WDR70: variants seen among roughly 807,000 people sequenced by gnomAD.
WDR70 encodes WD repeat domain 70, also known as WD repeat-containing protein 70.
In WDR70, 53 loss-of-function variants were observed where a neutral mutation model predicts 88.6. The ratio of observed to expected loss-of-function variants is 0.60; its 90% CI spans 0.48 to 0.75. WDR70 has a LOEUF of 0.75. Ranked by LOEUF, WDR70 falls within the 30% of genes least tolerant of loss-of-function variation. The pLI is 0.00. For missense variants in WDR70, 610 were observed against 823.2 expected (o/e 0.74, Z 3.17); for synonymous variants, 280 against 270.0 (o/e 1.04, Z -0.36).
intron 7 of WDR70, among the ~76,000 whole-genome samples, chr5:37,461,888 T>G (rs534375499): frequency 2.0e-4 from 30 of 152,322 alleles, no homozygotes; most frequent in Admixed American, 5.2e-4. Flanking sequence ...TGCTGCCTAA[T>G]TTTTGTGACA....
In WDR70 at chr5:37,721,101, C is replaced by T; in HGVS notation, c.1417-14C>T. Reference sequence around the variant, plus strand: ...CTGGCCTCTTTAGTCAACCACTGCGCTTTTCCTTTGCAGAGTGTTGTTCGC... The same window carrying T: ...CTGGCCTCTTTAGTCAACCACTGCGTTTTTCCTTTGCAGAGTGTTGTTCGC... On this transcript the variant is annotated splice_polypyrimidine_tract_variant and intron_variant, in intron 13 of 17. Coordinates refer to ENST00000265107, the MANE Select transcript of WDR70 (RefSeq NM_018034.4). 6.2e-7 allele frequency: 1 copy of T among 1,613,304 alleles called. No homozygotes were observed. The highest frequency in any genetic ancestry group is 8.5e-7 in the Non-Finnish European group (1 of 1,179,470).
At position 37,702,847 on chromosome 5, in the gene WDR70, A is replaced by G. The variant is rs1465229382; in HGVS notation, c.1278-102A>G. On this transcript the variant is annotated intron_variant, in intron 12 of 17. Transcript: ENST00000265107. ...TAAGTGCTTGACTCATAAGCCCTAT[A>G]TAGGAGTTACAGAGATGTTTATATT... 3.3e-6 allele frequency: 4 copies of G among 1,218,020 alleles called. No homozygotes were observed. The East Asian group carries it at 7.2e-5, about 22-fold the overall frequency. The allele number at this position is 1,218,020 out of a possible 1,614,324, so 75.5% of individuals were successfully genotyped here.
intron 5 of WDR70, among the ~76,000 whole-genome samples, chr5:37,403,942 C>T (rs866677421): frequency 1.3e-5 from 2 of 152,050 alleles, no homozygotes; most frequent in Admixed American, 6.6e-5. Flanking sequence ...GGGTCTTGCT[C>T]TCTTGTCTGT....
intron 9 of WDR70, among the ~76,000 whole-genome samples, chr5:37,597,236 G>A (rs1338970525): frequency 6.6e-6 from 1 of 152,122 alleles, no homozygotes; most frequent in African/African-American, 2.4e-5. Flanking sequence ...CATTGCTTGT[G>A]ATATGGGAAG....
intron 10 of WDR70, among the ~76,000 whole-genome samples, chr5:37,638,873 A>G (rs1025355753): frequency 6.6e-6 from 1 of 152,198 alleles, no homozygotes; most frequent in Non-Finnish European, 1.5e-5. Context: ...TATTGTTTTC[A>G]AAAGCAAGAC....
chr5:37,470,136 C>CAA (rs60159670), intron 7 of WDR70, among the ~76,000 whole-genome samples: 5,378 of 115,766 alleles, frequency 0.046, 313 homozygotes, highest in African/African-American at 0.12. Flanking sequence ...AAAACAAAAA[C>CAA]AAAAAAAAAC....
chr5:37,461,811 A>G (rs1182692908), intron 7 of WDR70, among the ~76,000 whole-genome samples: 2 of 152,134 alleles, frequency 1.3e-5, no homozygotes, highest in African/African-American at 4.8e-5. Flanking sequence ...GAAAGATAGT[A>G]GGTTTTTGAC....
At chr5:37,456,494 TAGAA>T (rs1738844665) in intron 7 of WDR70, among the ~76,000 whole-genome samples, 1 of 152,222 alleles carries the variant, frequency 6.6e-6, no homozygotes, top group Non-Finnish European at 1.5e-5. Context: ...GTTGCTTAGA[TAGAA>T]AGAGTTCCAT....
intron 8 of WDR70, among the ~76,000 whole-genome samples, chr5:37,493,122 T>C (rs1740112390): frequency 6.6e-6 from 1 of 152,166 alleles, no homozygotes; most frequent in Admixed American, 6.5e-5. Context: ...AATATGTTTG[T>C]TTTTTACAGA....
intron 10 of WDR70, among the ~76,000 whole-genome samples, chr5:37,632,054 A>T (rs1006464887): frequency 7.9e-5 from 12 of 152,164 alleles, no homozygotes; most frequent in African/African-American, 2.7e-4. Flanking sequence ...GCACCACCTA[A>T]CATTTCAGTT....
chr5:37,449,011 T>G (rs1184916474), intron 7 of WDR70, among the ~76,000 whole-genome samples: 1 of 152,248 alleles, frequency 6.6e-6, no homozygotes, highest in Admixed American at 6.5e-5. Context: ...CTATCATGTT[T>G]TTTTAGGTTC....
At chr5:37,443,140 T>A in intron 6 of WDR70, 99 bp from the exon 7 acceptor site, 1 of 1,345,120 alleles carries the variant, frequency 7.4e-7, no homozygotes, top group Non-Finnish European at 1.0e-6. Flanking sequence ...TTCCAAGTCC[T>A]ATAACATAGG....
At chr5:37,495,405 A>G (rs1740184146) in intron 8 of WDR70, among the ~76,000 whole-genome samples, 1 of 152,122 alleles carries the variant, frequency 6.6e-6, no homozygotes, top group Non-Finnish European at 1.5e-5. Flanking sequence ...TGGGGTAGCC[A>G]CAAGAGTACA....
chr5:37,531,597 T>C lies in WDR70; in HGVS notation c.917+15007T>C, dbSNP rs1040703238. Among the ~76,000 whole-genome samples, 149 of 149,076 alleles carry C rather than the reference T, an allele frequency of 1.0e-3. 2 individuals carry two copies. The highest frequency in any genetic ancestry group is 7.0e-3 in the Middle Eastern group (2 of 286). ...TGCTTTAAAGTTTTTCTTTTTTTTT[T>C]TTTTTTTTTTGTCTGATATAAGACT... On this transcript the variant is annotated intron_variant, in intron 9 of 17. Coordinates refer to ENST00000265107, the MANE Select transcript of WDR70 (RefSeq NM_018034.4).
chr5:37,722,792 C>A, intron 14 of WDR70, 63 bp from the exon 15 acceptor site: 1 of 1,467,504 alleles, frequency 6.8e-7, no homozygotes, highest in South Asian at 1.2e-5. Context: ...CTCATGTTTT[C>A]AACATGAAAT....
chr5:37,628,309 T>G (rs572933045), intron 10 of WDR70, among the ~76,000 whole-genome samples: 13 of 152,318 alleles, frequency 8.5e-5, no homozygotes, highest in Admixed American at 7.2e-4. Context: ...AATTCCCTAC[T>G]ACATATTGAA....
chr5:37,719,550 TCC>T (rs1027231734), intron 13 of WDR70, among the ~76,000 whole-genome samples: 43 of 152,108 alleles, frequency 2.8e-4, no homozygotes, highest in African/African-American at 9.9e-4. Context: ...AACTTAATTT[TCC>T]CCCCAGCTGA....
intron 9 of WDR70, among the ~76,000 whole-genome samples, chr5:37,587,197 C>T (rs1180257165): frequency 6.6e-6 from 1 of 152,074 alleles, no homozygotes; most frequent in Non-Finnish European, 1.5e-5. Flanking sequence ...TATTTAGTGG[C>T]TTCACAGTCT....
chr5:37,659,755 A>G (rs1311984011), intron 10 of WDR70, among the ~76,000 whole-genome samples: 1 of 152,112 alleles, frequency 6.6e-6, no homozygotes, highest in Non-Finnish European at 1.5e-5. Context: ...GATGGAGTGG[A>G]GTAGGGAGGG....
Sources: allele counts gnomAD v4.1 joint callset (sites outside exome capture counted in the v4.1 genomes callset), GRCh38; gene constraint gnomAD v4.1.1; transcripts MANE v1.5; gene names NCBI Gene and HGNC (gene_info 2026-07-23, HGNC 2026-07-21).